Variants in MTHFD1L observed in about 807,000 individuals in gnomAD.
MTHFD1L encodes the protein monofunctional C1-tetrahydrofolate synthase, mitochondrial.
In MTHFD1L, 81 loss-of-function variants were observed where a neutral mutation model predicts 119.5. The observed-to-expected ratio is 0.68, with a 90% CI of 0.57 to 0.82. The LOEUF (loss-of-function observed/expected upper bound fraction) is 0.82, where lower values mean the gene tolerates loss of function less well. Ranked by LOEUF, MTHFD1L falls within the 40% of genes least tolerant of loss-of-function variation. The probability of loss-of-function intolerance (pLI) is 0.00; values close to 1 mark genes in which losing one functional copy is unlikely to be tolerated. For missense variants in MTHFD1L, 1,125 were observed against 1,253.4 expected (o/e 0.90, Z 1.55); for synonymous variants, 430 against 475.2 (o/e 0.90, Z 1.24).
chr6:150,891,422 T>A (rs1046443536), intron 7 of MTHFD1L, among the ~76,000 whole-genome samples: 2 of 149,100 alleles, frequency 1.3e-5, no homozygotes, highest in South Asian at 4.2e-4. Flanking sequence ...CATACATACA[T>A]ATAATATGTA....
chr6:150,866,581 C>G (rs966926089), intron 1 of MTHFD1L: 103 of 1,226,986 alleles, frequency 8.4e-5, no homozygotes, highest in Middle Eastern at 6.3e-4. Flanking sequence ...GCGCGCGGCC[C>G]CTCCTGCTGG....
intron 18 of MTHFD1L, among the ~76,000 whole-genome samples, chr6:150,962,205 G>T (rs959818992): frequency 3.9e-5 from 6 of 151,986 alleles, no homozygotes; most frequent in Non-Finnish European, 8.8e-5. Flanking sequence ...GGCCAGGCTG[G>T]TCTCGAACTC....
intron 9 of MTHFD1L, among the ~76,000 whole-genome samples, chr6:150,919,374 C>T (rs535996355): frequency 6.6e-6 from 1 of 152,068 alleles, no homozygotes; most frequent in East Asian, 2.0e-4. Context: ...CAGGCACACA[C>T]CACCACGCCT....
chr6:150,875,061 C>CT (rs1181855908), intron 1 of MTHFD1L, among the ~76,000 whole-genome samples: 16 of 139,156 alleles, frequency 1.1e-4, no homozygotes, highest in African/African-American at 3.5e-4. Context: ...TTTTTTTTTT[C>CT]TTTTTTTAAA....
chr6:151,014,488 T>C (rs1685391745), intron 22 of MTHFD1L, among the ~76,000 whole-genome samples: 1 of 152,208 alleles, frequency 6.6e-6, no homozygotes, highest in Admixed American at 6.5e-5. Flanking sequence ...GTAAATAGAC[T>C]TTGATTTGCT....
At chr6:151,044,682 C>T (rs1787692331) in intron 26 of MTHFD1L, among the ~76,000 whole-genome samples, 1 of 152,138 alleles carries the variant, frequency 6.6e-6, no homozygotes. Context: ...GGACCAGGCC[C>T]TAGAAGACCA....
chr6:150,885,785 A>T (rs1257563729), intron 6 of MTHFD1L, 51 bp downstream of exon 6: 7 of 1,365,986 alleles, frequency 5.1e-6, no homozygotes, highest in Non-Finnish European at 7.2e-6. Context: ...TGGTATTTAC[A>T]TTATTTTTAA....
At chr6:150,925,252 G>A (rs547141582) in intron 10 of MTHFD1L, among the ~76,000 whole-genome samples, 2 of 152,256 alleles carry the variant, frequency 1.3e-5, no homozygotes, top group African/African-American at 2.4e-5. Context: ...GTAGTCCCCC[G>A]CCGCGTGGTC....
chr6:151,084,708 G>A (rs960776116), intron 26 of MTHFD1L, among the ~76,000 whole-genome samples: 3 of 152,074 alleles, frequency 2.0e-5, no homozygotes, highest in African/African-American at 7.2e-5. Context: ...GCTCATGCCT[G>A]TAATCCCAGC....
Position 150,934,852 on chromosome 6 carries a change from A to G in MTHFD1L, c.1257-1952A>G, listed in dbSNP as rs189071568. On this transcript the variant is annotated intron_variant, in intron 11 of 27. Transcript: ENST00000367321. Reference sequence around the variant, plus strand: ...TAGAAATGCCTGCCAATGCTTTCTCATTTGGACCCAAACTCCAGATCGGGA... The same window carrying G: ...TAGAAATGCCTGCCAATGCTTTCTCGTTTGGACCCAAACTCCAGATCGGGA... The G allele has an allele frequency of 1.3e-3, 1,740 of 1,323,752 alleles. 5 individuals are homozygous for G. The highest frequency in any genetic ancestry group is 1.6e-3 in the Non-Finnish European group (1,537 of 978,784). The allele number at this position is 1,323,752 out of a possible 1,614,324, so 82.0% of individuals were successfully genotyped here. A position where few individuals can be genotyped will look rare whatever the true frequency, so the allele number is the denominator to read the frequency against.
intron 19 of MTHFD1L, among the ~76,000 whole-genome samples, chr6:150,967,907 A>AT (rs377335942): frequency 1.3e-5 from 2 of 152,022 alleles, no homozygotes; most frequent in African/African-American, 4.8e-5. Flanking sequence ...GAGTTCTTCC[A>AT]TGATTTACCC....
intron 21 of MTHFD1L, among the ~76,000 whole-genome samples, chr6:151,013,075 G>A (rs1782533970): frequency 6.6e-6 from 1 of 152,170 alleles, no homozygotes; most frequent in East Asian, 1.9e-4. Flanking sequence ...CCCCAGCAAA[G>A]TTGACACATA....
At chr6:150,958,799 G>A (rs539711513) in intron 17 of MTHFD1L, among the ~76,000 whole-genome samples, 18 of 152,184 alleles carry the variant, frequency 1.2e-4, no homozygotes, top group Middle Eastern at 3.4e-3. Flanking sequence ...GCAGCCTTCC[G>A]CTATGCACGT....
intron 26 of MTHFD1L, among the ~76,000 whole-genome samples, chr6:151,053,042 G>T (rs1789309732): frequency 6.6e-6 from 1 of 152,218 alleles, no homozygotes; most frequent in Admixed American, 6.5e-5. Context: ...ATTTGCTACA[G>T]ATCAAAAGTT....
At chr6:151,061,388 T>C (rs941487398) in intron 26 of MTHFD1L, among the ~76,000 whole-genome samples, 2 of 152,146 alleles carry the variant, frequency 1.3e-5, no homozygotes, top group Non-Finnish European at 2.9e-5. Flanking sequence ...CCAAGGTTTT[T>C]ATTGGGTAAT....
At chr6:151,022,180 T>A (rs1562553136) in intron 24 of MTHFD1L, 4 of 380,720 alleles carry the variant, frequency 1.1e-5, no homozygotes, top group South Asian at 7.8e-5. Context: ...CTGGTCTTTT[T>A]TAAGGCAGGA....
At chr6:150,948,069 G>A (rs1017814200) in intron 15 of MTHFD1L, among the ~76,000 whole-genome samples, 3 of 151,464 alleles carry the variant, frequency 2.0e-5, no homozygotes, top group South Asian at 2.1e-4. Flanking sequence ...GTGCAATGGC[G>A]CAATCTTGGC....
At chr6:150,954,692 G>T (rs1439456419) in intron 16 of MTHFD1L, among the ~76,000 whole-genome samples, 1 of 151,860 alleles carries the variant, frequency 6.6e-6, no homozygotes, top group Non-Finnish European at 1.5e-5. Flanking sequence ...GAGAGACAAG[G>T]TCTCACTTCC....
intron 8 of MTHFD1L, among the ~76,000 whole-genome samples, chr6:150,907,827 A>C (rs529558865): frequency 1.2e-4 from 19 of 152,074 alleles, no homozygotes; most frequent in African/African-American, 4.1e-4. Flanking sequence ...CAACTGTAAT[A>C]GTTTTCTTGT....
Sources: allele counts gnomAD v4.1 joint callset (sites outside exome capture counted in the v4.1 genomes callset), GRCh38; gene constraint gnomAD v4.1.1; transcripts MANE v1.5; gene names NCBI Gene and HGNC (gene_info 2026-07-23, HGNC 2026-07-21).